Variants in DHX37 observed in about 807,000 individuals in gnomAD.
DHX37 encodes the protein probable ATP-dependent RNA helicase DHX37.
A neutral mutation model predicts 134.3 loss-of-function variants in DHX37; 52 were observed. The ratio of observed to expected loss-of-function variants is 0.39; its 90% CI spans 0.31 to 0.49. The LOEUF is 0.49. Ranked by LOEUF, DHX37 falls within the 20% of genes least tolerant of loss-of-function variation. The pLI, the probability that DHX37 is intolerant of heterozygous loss-of-function variation, is 0.93. For missense variants in DHX37, 1,344 were observed against 1,580.8 expected (o/e 0.85, Z 2.54); for synonymous variants, 634 against 670.7 (o/e 0.95, Z 0.85).
intron 16 of DHX37, 32 bp from the exon 17 acceptor site, chr12:124,957,167 G>A (rs1954116504): frequency 1.4e-6 from 2 of 1,472,290 alleles, no homozygotes; most frequent in Non-Finnish European, 1.8e-6. Flanking sequence ...CAGGGACAGG[G>A]TGAATGCCAA....
rs748669067 is a variant in DHX37, at chr12:124,986,045, C to T, written c.276+51G>A. The T allele has an allele frequency of 9.4e-6, 15 of 1,597,048 alleles. No individual in the cohort carries two copies. In the Admixed American group the frequency reaches 2.7e-4, roughly 28 times the overall value. ...CCTCAGGAGGAGAGAGACCCCCCAT[C>T]TCTCTCTATGCTGGAGAGCCACTTG... On this transcript the variant is annotated intron_variant, in intron 2 of 26. Coordinates refer to ENST00000308736, the MANE Select transcript of DHX37 (RefSeq NM_032656.4).
intron 2 of DHX37, among the ~76,000 whole-genome samples, chr12:124,984,473 C>T (rs566626402): frequency 1.3e-4 from 20 of 152,136 alleles, no homozygotes; most frequent in East Asian, 1.9e-4. Context: ...GTGGAGGTTG[C>T]GGTGCGCCGA....
At chr12:124,985,797 A>G (rs1445378044) in intron 2 of DHX37, among the ~76,000 whole-genome samples, 1 of 151,280 alleles carries the variant, frequency 6.6e-6, no homozygotes, top group Non-Finnish European at 1.5e-5. Flanking sequence ...GGGGAACAAA[A>G]CAAAAAAGAA....
chr12:124,968,767 C>T, intron 9 of DHX37, 100 bp downstream of exon 9: 1 of 1,596,434 alleles, frequency 6.3e-7, no homozygotes, highest in Non-Finnish European at 8.5e-7. Flanking sequence ...AAGCTGCTGT[C>T]AATCCCCCCT....
Position 124,965,808 on chromosome 12 carries a change from AG to A in DHX37, c.1594del (p.Leu532CysfsTer177). On this transcript the variant is annotated frameshift_variant, in exon 13 of 27. Coordinates refer to ENST00000308736, the MANE Select transcript of DHX37 (RefSeq NM_032656.4). LOFTEE classifies it high-confidence loss of function. ...GTAATGATCCAAGTTGATCTGGGGCAGCACCTACGGCGAACAAGACATAGAC... is the reference window on the plus strand; with the variant it reads ...GTAATGATCCAAGTTGATCTGGGGCACACCTACGGCGAACAAGACATAGAC... ...ARAKKARAEV[L>X]PQINLDHYSV... 1 of 1,613,370 alleles carries A rather than the reference AG, an allele frequency of 6.2e-7. No individual in the cohort carries two copies. Among genetic ancestry groups the A allele is most frequent in the Non-Finnish European group, 8.5e-7 (1 of 1,179,600 alleles).
chr12:124,960,988 T>A (rs977344822), intron 15 of DHX37, among the ~76,000 whole-genome samples: 4 of 152,200 alleles, frequency 2.6e-5, no homozygotes, highest in African/African-American at 9.7e-5. Context: ...CCATGTAGAG[T>A]ACTTAAAACA....
intron 20 of DHX37, 135 bp from the exon 21 acceptor site, chr12:124,952,705 C>T: frequency 1.1e-6 from 1 of 887,762 alleles, no homozygotes. Context: ...TCCCCAGAGG[C>T]CACCAGCAGG....
intron 20 of DHX37, chr12:124,952,856 C>T (rs2135929537): frequency 3.9e-6 from 1 of 257,994 alleles, no homozygotes; most frequent in African/African-American, 2.2e-5. Context: ...TGGCCTCAGA[C>T]TCAGTTCTGG....
rs116658642 is a variant in DHX37, at chr12:124,950,012, G to A, written c.3264C>T (p.Pro1088=). Residue 1088 remains proline, a synonymous_variant, in exon 25 of 27, where the codon CCC becomes CCT. Transcript: ENST00000308736. ...TGGCCCACGTCTTCAGCATGGTGCCGGGGCTGGACAGCAGACAGCTCCGGT... is the reference window on the plus strand; with the variant it reads ...TGGCCCACGTCTTCAGCATGGTGCCAGGGCTGGACAGCAGACAGCTCCGGT... ...ASYRSCLLSS[P]GTMLKTWARL... is the part of the protein sequence containing the mutation. The A allele has an allele frequency of 2.4e-5, 39 of 1,612,530 alleles. No homozygotes were observed. The highest frequency in any genetic ancestry group is 2.7e-5 in the Non-Finnish European group (32 of 1,179,296).
chr12:124,951,039 G>C (rs1178016827), intron 21 of DHX37, among the ~76,000 whole-genome samples: 2 of 152,226 alleles, frequency 1.3e-5, no homozygotes, highest in Non-Finnish European at 2.9e-5. Flanking sequence ...GGGAGGCCGA[G>C]GAGGGTGGAT....
At chr12:124,959,940 G>T (rs1474317336) in intron 16 of DHX37, among the ~76,000 whole-genome samples, 1 of 152,212 alleles carries the variant, frequency 6.6e-6, no homozygotes, top group African/African-American at 2.4e-5. Flanking sequence ...GCCTGCCCTG[G>T]AGCAGGGGGA....
At chr12:124,959,097 G>A (rs560954637) in intron 16 of DHX37, among the ~76,000 whole-genome samples, 2 of 141,416 alleles carry the variant, frequency 1.4e-5, no homozygotes, top group African/African-American at 2.7e-5. Flanking sequence ...TTTTGGAGAC[G>A]GAGTCTCGCC....
rs1322299236 is a variant in DHX37 at position 124,980,274 on chromosome 12, C to T, written c.738+216G>A. Among the ~76,000 whole-genome samples the T allele has an allele frequency of 6.6e-6, 1 of 152,228 alleles. No individual in the cohort carries two copies. Among genetic ancestry groups the T allele is most frequent in the Non-Finnish European group, 1.5e-5 (1 of 68,034 alleles). ...GCCGACCTCCAGGGCCCCGAGCCTG[C>T]CAGGCGTGCCGCCAGACACCCGCCC... On this transcript the variant is annotated intron_variant, in intron 4 of 26. Transcript: ENST00000308736. This position sits in a 1 kb window ranked among gnomAD's most constrained non-coding sequence, Gnocchi z 5.3.
rs754428941 is a variant in DHX37 at position 124,980,653 on chromosome 12, A to C, written c.575T>G (p.Val192Gly). The change falls in exon 4 of 27, where the codon GTG becomes GGG. Residue 192 changes from valine (V) to glycine (G), a missense_variant. Physicochemically the swap from Val to Gly is moderately radical, Grantham distance 109 (BLOSUM62 -3). Around this residue, in one of 7 missense-constraint regions of DHX37, gnomAD observed 319 missense variants for 296.1 expected, o/e 1.08. Transcript: ENST00000308736. This position sits in a 1 kb window ranked among gnomAD's most constrained non-coding sequence, Gnocchi z 5.3. ...DPAAEPAEAG[V>G]GTTVAPLPPA... ...CGGCAGAGGTGCCACGGTGGTCCCC[A>C]CACCAGCCTCAGCCGGCTCAGCAGC... is the stretch of plus-strand genomic sequence containing the variant. The C allele has an allele frequency of 6.2e-7, 1 of 1,603,904 alleles. No individual in the cohort carries two copies. Among genetic ancestry groups the C allele is most frequent in the South Asian group, 1.1e-5 (1 of 90,432 alleles).
At chr12:124,970,398 T>C (rs1185914082) in intron 8 of DHX37, among the ~76,000 whole-genome samples, 1 of 152,176 alleles carries the variant, frequency 6.6e-6, no homozygotes. Context: ...GAAATGTGAA[T>C]CACAGCCCAA....
chr12:124,960,414 T>G lies in DHX37; in HGVS notation c.2055A>C (p.Ser685=), dbSNP rs1465955620. The change falls in exon 16 of 27, where the codon TCA becomes TCC. Residue 685 remains serine (S), a synonymous_variant. Transcript: ENST00000308736. ...TEPGHCYRLY[S]SAVFGDFEQF... ...GCTCGAAGTCACCAAAAACCGCAGA[T>G]GAATACAGCCTGGATGGAGAGAAAC... The G allele has an allele frequency of 1.9e-6, 3 of 1,608,816 alleles. No individual in the cohort carries two copies. Among genetic ancestry groups the G allele is most frequent in the Admixed American group, 3.3e-5 (2 of 59,974 alleles).
intron 12 of DHX37, 123 bp from the exon 13 acceptor site, chr12:124,965,935 CGG>C (rs1036784200): frequency 8.1e-7 from 1 of 1,237,790 alleles, no homozygotes; most frequent in African/African-American, 1.5e-5. Context: ...CCATGCAACC[CGG>C]GGCAGGCCAC....
intron 11 of DHX37, 57 bp from the exon 12 acceptor site, chr12:124,966,935 C>T: frequency 3.1e-6 from 5 of 1,605,560 alleles, no homozygotes; most frequent in South Asian, 2.2e-5. Context: ...GTCGCCAGCA[C>T]ACTGCCCTTT....
At position 124,966,669 on chromosome 12, in the gene DHX37, C is replaced by G; in HGVS notation, c.1590+124G>C. ...ATGAGCCACTGTGCCTGACCAGGAA[C>G]TGGATTTTTAACTTCATTTTATTCC... On this transcript the variant is annotated intron_variant, in intron 12 of 26. Coordinates refer to ENST00000308736, the MANE Select transcript of DHX37 (RefSeq NM_032656.4). 4 of 1,049,698 alleles carry G rather than the reference C, an allele frequency of 3.8e-6. No individual in the cohort carries two copies. In the East Asian group the frequency reaches 9.8e-5, roughly 26 times the overall value. 65.0% of individuals were successfully genotyped at this position (1,049,698 alleles called of 1,614,324 possible).
Sources: allele counts gnomAD v4.1 joint callset (sites outside exome capture counted in the v4.1 genomes callset), GRCh38; gene constraint gnomAD v4.1.1; regional missense constraint gnomAD v4.1.1; non-coding constraint Gnocchi (gnomAD v3.1); transcripts MANE v1.5; gene names NCBI Gene and HGNC (gene_info 2026-07-23, HGNC 2026-07-21).